Variants in PDE1A observed in about 807,000 individuals in gnomAD.
PDE1A encodes the protein phosphodiesterase 1A.
Under a neutral mutation model 61.7 loss-of-function variants are expected in PDE1A, and 35 were observed. The ratio of observed to expected loss-of-function variants is 0.57; its 90% CI spans 0.43 to 0.75. PDE1A has a LOEUF of 0.75. PDE1A is among the 30% of genes least tolerant of loss of function. The probability of loss-of-function intolerance (pLI) is 0.00; values close to 1 mark genes in which losing one functional copy is unlikely to be tolerated. For missense variants in PDE1A, 597 were observed against 630.6 expected (o/e 0.95, Z 0.57); for synonymous variants, 232 against 213.2 (o/e 1.09, Z -0.77).
At chr2:182,188,996 A>G in exon 11 of PDE1A, 1 of 1,611,612 alleles carries the variant, frequency 6.2e-7, no homozygotes, top group Non-Finnish European at 8.5e-7. Flanking sequence ...TGACTGGGCC[A>G]CCATGGTTGA....
the PDE1A span, among the ~76,000 whole-genome samples, chr2:182,608,239 T>C: frequency 6.6e-6 from 1 of 152,212 alleles, no homozygotes; most frequent in Non-Finnish European, 1.5e-5. Flanking sequence ...TTACTGTAAC[T>C]TTTCTGCCAC....
chr2:182,462,565 G>T (rs1686379287), intron 2 of PDE1A, among the ~76,000 whole-genome samples: 1 of 151,902 alleles, frequency 6.6e-6, no homozygotes, highest in Non-Finnish European at 1.5e-5. Context: ...CAGAGCATGG[G>T]CCCTGCCTTT....
At chr2:182,619,579 T>C in the PDE1A span, among the ~76,000 whole-genome samples, 3 of 152,178 alleles carry the variant, frequency 2.0e-5, no homozygotes, top group Admixed American at 6.5e-5. Context: ...GAAATACTCA[T>C]TGTGAAACAC....
the PDE1A span, among the ~76,000 whole-genome samples, chr2:182,548,287 A>ATAGT: frequency 1.3e-5 from 2 of 152,312 alleles, no homozygotes; most frequent in Admixed American, 6.5e-5. Flanking sequence ...GACCTCCTGA[A>ATAGT]TAGTTCCCTG....
chr2:182,519,315 G>C (rs988358489), intron 2 of PDE1A, among the ~76,000 whole-genome samples: 3 of 152,008 alleles, frequency 2.0e-5, no homozygotes, highest in Non-Finnish European at 4.4e-5. Flanking sequence ...TGAAAGACCT[G>C]ATGCCATAGT....
At chr2:182,667,080 G>T in the PDE1A span, among the ~76,000 whole-genome samples, 1 of 152,092 alleles carries the variant, frequency 6.6e-6, no homozygotes, top group South Asian at 2.1e-4. Context: ...CCTGTGAACT[G>T]GTTTAGCTCT....
intron 2 of PDE1A, among the ~76,000 whole-genome samples, chr2:182,513,246 A>G (rs1574836260): frequency 6.6e-6 from 1 of 152,226 alleles, no homozygotes; most frequent in South Asian, 2.1e-4. Context: ...CTAATAGCAG[A>G]CCTTTCAACA....
intron 1 of PDE1A, among the ~76,000 whole-genome samples, chr2:182,364,289 C>T (rs1262169820): frequency 6.6e-6 from 1 of 151,424 alleles, no homozygotes; most frequent in Non-Finnish European, 1.5e-5. Flanking sequence ...AGCAGTCCTT[C>T]CCCCAGCTTA....
chr2:182,628,691 A>T, the PDE1A span, among the ~76,000 whole-genome samples: 8 of 152,150 alleles, frequency 5.3e-5, no homozygotes, highest in Non-Finnish European at 1.2e-4. Flanking sequence ...ATTATTCAAC[A>T]CATAGATGTA....
At chr2:182,208,883 T>C (rs953877531) in intron 7 of PDE1A, among the ~76,000 whole-genome samples, 1 of 152,230 alleles carries the variant, frequency 6.6e-6, no homozygotes, top group African/African-American at 2.4e-5. Flanking sequence ...AACCCCATTA[T>C]ATCTCGGAAG....
At chr2:182,657,664 T>C in the PDE1A span, among the ~76,000 whole-genome samples, 1 of 152,300 alleles carries the variant, frequency 6.6e-6, no homozygotes, top group East Asian at 1.9e-4. Flanking sequence ...ATATGCTATT[T>C]CTTCTAGGAA....
intron 2 of PDE1A, among the ~76,000 whole-genome samples, chr2:182,251,561 C>A (rs1348112665): frequency 1.3e-5 from 2 of 152,186 alleles, no homozygotes; most frequent in Admixed American, 6.5e-5. Flanking sequence ...GAGTGAGGCC[C>A]AGCACCCTGG....
intron 13 of PDE1A, among the ~76,000 whole-genome samples, chr2:182,178,113 C>T (rs1352194576): frequency 1.3e-5 from 2 of 152,148 alleles, no homozygotes; most frequent in South Asian, 2.1e-4. Context: ...TTATAACAGG[C>T]TCATGCCTAT....
intron 2 of PDE1A, among the ~76,000 whole-genome samples, chr2:182,476,909 A>AAT (rs71008223): frequency 2.6e-4 from 39 of 150,794 alleles, no homozygotes; most frequent in Middle Eastern, 3.4e-3. Context: ...AAAAAAAAAA[A>AAT]CTCTGAGCTT....
Position 182,341,609 on chromosome 2 carries a change from C to T in PDE1A, c.54-77195G>A, listed in dbSNP as rs916945266. 6.6e-5 allele frequency among the ~76,000 whole-genome samples: 10 copies of T among 152,236 alleles called. No individual in the cohort carries two copies. The East Asian group carries it at 1.9e-3, about 29-fold the overall frequency. On this transcript the variant is annotated intron_variant, in intron 1 of 13. Transcript: ENST00000351439. ...ATGCAGTTTTATCTTATCCATCACC[C>T]CCATAAAGCATAAGCTCTTACTTAT...
chr2:182,413,377 AG>A (rs556389068), intron 1 of PDE1A, among the ~76,000 whole-genome samples: 168 of 152,298 alleles, frequency 1.1e-3, no homozygotes, highest in African/African-American at 3.9e-3. Flanking sequence ...TTTAAATGGG[AG>A]GCTAGAGGGC....
intron 2 of PDE1A, among the ~76,000 whole-genome samples, chr2:182,448,169 C>A (rs545527685): frequency 1.9e-4 from 29 of 152,238 alleles, no homozygotes; most frequent in African/African-American, 7.0e-4. Context: ...AAGATTCTAA[C>A]ACTCATGCTT....
chr2:182,624,264 C>T, the PDE1A span, among the ~76,000 whole-genome samples: 6 of 152,072 alleles, frequency 3.9e-5, no homozygotes, highest in Non-Finnish European at 7.4e-5. Context: ...ACGTAATAAG[C>T]CTCCTGCTAG....
intron 1 of PDE1A, among the ~76,000 whole-genome samples, chr2:182,363,341 C>T (rs1305319627): frequency 6.6e-6 from 1 of 151,638 alleles, no homozygotes; most frequent in Non-Finnish European, 1.5e-5. Flanking sequence ...AAAGACATTA[C>T]GTTCTACTGG....
Sources: allele counts gnomAD v4.1 joint callset (sites outside exome capture counted in the v4.1 genomes callset), GRCh38; gene constraint gnomAD v4.1.1; transcripts MANE v1.5; gene names NCBI Gene and HGNC (gene_info 2026-07-23, HGNC 2026-07-21).